Variants in TIMM9 observed in about 807,000 individuals in gnomAD.
The protein encoded by TIMM9 is mitochondrial import inner membrane translocase subunit Tim9.
Under a neutral mutation model 13.4 loss-of-function variants are expected in TIMM9, and 10 were observed. That is an observed-to-expected ratio of 0.75 (90% CI 0.46 to 1.26). TIMM9 has a LOEUF of 1.26. TIMM9 is among the 50% of genes most tolerant of loss of function. TIMM9 has a pLI of 0.00. For missense variants in TIMM9, 87 were observed against 100.8 expected, an observed-to-expected ratio of 0.86 and a Z score of 0.58; for synonymous variants, 32 against 32.1, an observed-to-expected ratio of 1.00 and a Z score of 0.01.
rs67147520 is a variant in TIMM9, at chr14:58,419,451, TCACACACACACACACACA to T, written c.-27+4539_-27+4556del. On this transcript the variant is annotated intron_variant, in intron 3 of 5. Coordinates refer to ENST00000395159, the MANE Select transcript of TIMM9 (RefSeq NM_012460.4). ...GTCTGGAAAATAGAGTGAGACCCCG[TCACACACACACACACACA>T]CACACACACACACACACACACACAC... Among the ~76,000 whole-genome samples, 110 of 112,924 alleles carry T rather than the reference TCACACACACACACACACA, an allele frequency of 9.7e-4. 1 individual carries two copies. The highest frequency in any genetic ancestry group is 2.6e-3 in the African/African-American group (74 of 28,768). The allele number at this position is 112,924 out of a possible 152,430, so 74.1% of individuals were successfully genotyped here. A position where few individuals can be genotyped will look rare whatever the true frequency, so the allele number is the denominator to read the frequency against.
At chr14:58,415,606 G>A (rs922888785) in intron 3 of TIMM9, among the ~76,000 whole-genome samples, 1 of 152,020 alleles carries the variant, frequency 6.6e-6, no homozygotes, top group Admixed American at 6.6e-5. Context: ...AGAATGGAGG[G>A]GACAGAGGAA....
intron 5 of TIMM9, among the ~76,000 whole-genome samples, chr14:58,409,860 G>A (rs1057428153): frequency 6.6e-6 from 1 of 152,076 alleles, no homozygotes; most frequent in African/African-American, 2.4e-5. Flanking sequence ...TTCCAGGCGT[G>A]AGCCACCGCG....
chr14:58,414,228 T>C (rs1224456122), intron 3 of TIMM9, among the ~76,000 whole-genome samples: 1 of 152,054 alleles, frequency 6.6e-6, no homozygotes, highest in African/African-American at 2.4e-5. Context: ...AAAGTATCTC[T>C]GGAAAACATA....
At chr14:58,418,247 G>C (rs1157330774) in intron 3 of TIMM9, among the ~76,000 whole-genome samples, 2 of 151,910 alleles carry the variant, frequency 1.3e-5, no homozygotes, top group Non-Finnish European at 2.9e-5. Flanking sequence ...CATTGATGCA[G>C]AAAAAGTATC....
At chr14:58,410,531 G>C (rs1300072410) in intron 5 of TIMM9, among the ~76,000 whole-genome samples, 1 of 152,194 alleles carries the variant, frequency 6.6e-6, no homozygotes, top group Non-Finnish European at 1.5e-5. Context: ...GAAAGGCTGT[G>C]CCAAGTTTCT....
chr14:58,421,910 A>G (rs2036597418), intron 3 of TIMM9, among the ~76,000 whole-genome samples: 1 of 151,976 alleles, frequency 6.6e-6, no homozygotes, highest in Admixed American at 6.6e-5. Flanking sequence ...AGGACAGTAC[A>G]CTCACTGCAC....
chr14:58,420,485 A>T (rs1409977851), intron 3 of TIMM9, among the ~76,000 whole-genome samples: 1 of 152,216 alleles, frequency 6.6e-6, no homozygotes, highest in Non-Finnish European at 1.5e-5. Context: ...GCCATTAGGG[A>T]AATGCAAATT....
chr14:58,412,753 T>A (rs2036262423), intron 3 of TIMM9, among the ~76,000 whole-genome samples: 1 of 151,960 alleles, frequency 6.6e-6, no homozygotes, highest in Non-Finnish European at 1.5e-5. Context: ...ATACAAAAAT[T>A]GGCCAGACGT....
At chr14:58,421,728 C>T (rs575537619) in intron 3 of TIMM9, among the ~76,000 whole-genome samples, 2 of 152,220 alleles carry the variant, frequency 1.3e-5, no homozygotes, top group South Asian at 4.1e-4. Context: ...GATCTAAGAA[C>T]TGGTAAAACA....
intron 3 of TIMM9, among the ~76,000 whole-genome samples, chr14:58,419,539 TC>T: frequency 7.6e-6 from 1 of 132,134 alleles, no homozygotes; most frequent in Admixed American, 7.5e-5. Context: ...AAAAATACAC[TC>T]CTGCCCAACT....
intron 5 of TIMM9, 79 bp downstream of exon 5, chr14:58,410,764 C>A (rs1479706350): frequency 2.1e-6 from 2 of 962,226 alleles, no homozygotes; most frequent in Non-Finnish European, 3.1e-6. Flanking sequence ...TAAGTAGGAA[C>A]AAGTGAAATG....
chr14:58,426,920 C>T (rs2036857507), intron 2 of TIMM9, 134 bp downstream of exon 2: 1 of 152,820 alleles, frequency 6.5e-6, no homozygotes, highest in African/African-American at 2.4e-5. Context: ...GAAGCGCTGT[C>T]CCGCTTCGCA....
At chr14:58,415,875 T>G (rs1350757085) in intron 3 of TIMM9, among the ~76,000 whole-genome samples, 1 of 151,988 alleles carries the variant, frequency 6.6e-6, no homozygotes, top group African/African-American at 2.4e-5. Context: ...CCAAACAGCA[T>G]AAACCCGATG....
At position 58,408,759 on chromosome 14, in the gene TIMM9, G is replaced by T. The variant is rs2036113574; in HGVS notation, c.*275C>A. The T allele has an allele frequency of 1.5e-5, 11 of 724,510 alleles. No individual in the cohort carries two copies. Among genetic ancestry groups the T allele is most frequent in the Non-Finnish European group, 2.2e-5 (10 of 460,340 alleles). The allele number at this position is 724,510 out of a possible 1,614,324, so 44.9% of individuals were successfully genotyped here. On this transcript the variant is annotated 3_prime_UTR_variant, in exon 6 of 6. Coordinates refer to ENST00000395159, the MANE Select transcript of TIMM9 (RefSeq NM_012460.4). ...AACAGTCACAATTGAAGAAACAATG[G>T]TTTATTTTTCTAATCAAGTGACCAA...
At chr14:58,411,350 A>G (rs2036208655) in intron 4 of TIMM9, among the ~76,000 whole-genome samples, 1 of 151,888 alleles carries the variant, frequency 6.6e-6, no homozygotes, top group Admixed American at 6.6e-5. Flanking sequence ...CAGGAGGCTG[A>G]GGCAGGAGAA....
At chr14:58,418,628 A>T (rs1001074810) in intron 3 of TIMM9, among the ~76,000 whole-genome samples, 14 of 152,250 alleles carry the variant, frequency 9.2e-5, no homozygotes, top group Non-Finnish European at 1.9e-4. Context: ...AAGTATATTT[A>T]AAAAATCAAT....
chr14:58,412,467 T>A (rs1409139170), intron 3 of TIMM9, among the ~76,000 whole-genome samples: 2 of 152,218 alleles, frequency 1.3e-5, no homozygotes, highest in African/African-American at 4.8e-5. Flanking sequence ...AATGCTAGTT[T>A]GGGACTCAAA....
intron 2 of TIMM9, among the ~76,000 whole-genome samples, chr14:58,426,202 A>T (rs763220870): frequency 1.3e-5 from 2 of 151,852 alleles, no homozygotes; most frequent in Non-Finnish European, 2.9e-5. Flanking sequence ...GAGCCCTTAA[A>T]GTCTTTTTTT....
At chr14:58,411,692 G>A (rs1357492640) in intron 4 of TIMM9, among the ~76,000 whole-genome samples, 1 of 151,688 alleles carries the variant, frequency 6.6e-6, no homozygotes, top group East Asian at 2.0e-4. Flanking sequence ...GTGTGCGCCA[G>A]CACGCCCAGC....
Sources: gnomAD v4.1 joint callset for allele counts (sites outside exome capture counted in the v4.1 genomes callset) on GRCh38, gnomAD v4.1.1 for gene constraint, MANE v1.5 for transcripts, NCBI Gene and HGNC (gene_info 2026-07-23, HGNC 2026-07-21) for gene names.